Variants in CUBN observed in about 807,000 individuals in gnomAD.
CUBN encodes cubilin, also known as 460 kDa receptor.
In CUBN, 282 loss-of-function variants were observed where a neutral mutation model predicts 405.3. The observed-to-expected ratio is 0.70, with a 90% CI of 0.63 to 0.77. The LOEUF is 0.77. Ranked by LOEUF, CUBN falls within the 30% of genes least tolerant of loss-of-function variation. The pLI is 0.00. For synonymous variants in CUBN, 1,684 were observed against 1,617.0 expected (o/e 1.04, Z -0.99); for missense variants, 4,514 against 4,475.2 (o/e 1.01, Z -0.25).
chr10:17,103,151 A>T lies in CUBN; in HGVS notation c.1504T>A (p.Trp502Arg). Residue 502 changes from tryptophan (W) to arginine (R), a missense_variant, in exon 13 of 67, where the codon TGG becomes AGG. Around this residue, in one of 5 missense-constraint regions of CUBN, gnomAD observed 1,448 missense variants for 1,388.0 expected, o/e 1.04. Transcript: ENST00000377833. ...VGYVHDVNCFWVIKTEMGKVL... is the reference protein window; with the variant it reads ...VGYVHDVNCFRVIKTEMGKVL... ...TTTCCCATTTCAGTTTTGATAACCC[A>T]GAAGCAGTTAACATCATGAACATAA... The T allele has an allele frequency of 1.9e-6, 3 of 1,613,362 alleles. No homozygotes were observed. The highest frequency in any genetic ancestry group is 2.5e-6 in the Non-Finnish European group (3 of 1,179,306).
rs543958600 is a variant in CUBN, at chr10:16,994,594, C to A, written c.4169-4079G>T. 1.7e-4 allele frequency among the ~76,000 whole-genome samples: 26 copies of A among 152,172 alleles called. No individual in the cohort carries two copies. The South Asian group carries it at 4.2e-3, about 24-fold the overall frequency. On this transcript the variant is annotated intron_variant, in intron 28 of 66. Coordinates refer to ENST00000377833, the MANE Select transcript of CUBN (RefSeq NM_001081.4). ...TGGAGAGGAAAGAAGTTATATAAAC[C>A]AATACCCATCAGGAAATAACACAGG... is the stretch of plus-strand genomic sequence containing the variant.
intron 14 of CUBN, among the ~76,000 whole-genome samples, chr10:17,090,588 A>G (rs926140879): frequency 6.6e-6 from 1 of 152,142 alleles, no homozygotes; most frequent in Admixed American, 6.5e-5. Context: ...GAGAGTAGAA[A>G]TATTCCAAGG....
At chr10:17,049,199 G>A (rs1835205326) in intron 22 of CUBN, among the ~76,000 whole-genome samples, 1 of 152,240 alleles carries the variant, frequency 6.6e-6, no homozygotes, top group Non-Finnish European at 1.5e-5. Flanking sequence ...TATAGCATTG[G>A]TCTATTAATA....
chr10:16,961,481 C>T (rs1340845866), intron 31 of CUBN, among the ~76,000 whole-genome samples: 1 of 152,154 alleles, frequency 6.6e-6, no homozygotes, highest in Non-Finnish European at 1.5e-5. Flanking sequence ...GGAGGAAAAC[C>T]ATTCAAGTGT....
chr10:17,092,954 G>C (rs1268488648), intron 14 of CUBN, among the ~76,000 whole-genome samples: 1 of 152,086 alleles, frequency 6.6e-6, no homozygotes, highest in Admixed American at 6.5e-5. Flanking sequence ...AGGAATTATT[G>C]TTTGTTTGTT....
intron 31 of CUBN, among the ~76,000 whole-genome samples, chr10:16,956,944 C>A (rs1454256350): frequency 1.3e-5 from 2 of 152,014 alleles, no homozygotes; most frequent in Non-Finnish European, 2.9e-5. Flanking sequence ...TGTTTCAATA[C>A]ACATATACAT....
At chr10:16,958,502 G>A (rs908263222) in intron 31 of CUBN, among the ~76,000 whole-genome samples, 3 of 152,076 alleles carry the variant, frequency 2.0e-5, no homozygotes, top group Non-Finnish European at 4.4e-5. Context: ...CTCCATCATG[G>A]GTGACAGAGT....
At chr10:16,961,884 T>G (rs539828727) in intron 31 of CUBN, among the ~76,000 whole-genome samples, 1 of 152,076 alleles carries the variant, frequency 6.6e-6, no homozygotes, top group African/African-American at 2.4e-5. Flanking sequence ...GCTAATTTTT[T>G]TGTATTTTCA....
chr10:16,865,851 C>T (rs574404942), intron 59 of CUBN, among the ~76,000 whole-genome samples: 6 of 152,238 alleles, frequency 3.9e-5, no homozygotes, highest in Admixed American at 1.3e-4. Context: ...ACCCTGCTAC[C>T]GCTCACTCTT....
intron 28 of CUBN, among the ~76,000 whole-genome samples, 166 bp downstream of exon 28, chr10:17,019,667 C>A (rs1270329758): frequency 2.0e-5 from 3 of 152,176 alleles, no homozygotes; most frequent in Admixed American, 2.0e-4. Context: ...ACTTAACTCT[C>A]CAAGTTCCAC....
intron 14 of CUBN, 122 bp from the exon 15 acceptor site, chr10:17,088,467 C>A: frequency 2.8e-6 from 2 of 721,318 alleles, no homozygotes; most frequent in Non-Finnish European, 4.8e-6. Flanking sequence ...GTTTTAGACA[C>A]CCTCATAAAT....
intron 12 of CUBN, among the ~76,000 whole-genome samples, chr10:17,104,178 T>C (rs971492360): frequency 2.6e-5 from 4 of 152,176 alleles, no homozygotes; most frequent in African/African-American, 9.7e-5. Flanking sequence ...AAAAAGGACA[T>C]AGTGAAAATG....
intron 60 of CUBN, among the ~76,000 whole-genome samples, chr10:16,844,910 G>A (rs758693868): frequency 1.3e-5 from 2 of 152,186 alleles, no homozygotes; most frequent in African/African-American, 2.4e-5. Flanking sequence ...ACGCAGCTAC[G>A]GGCCACATTC....
At chr10:17,023,035 A>G (rs1315718223) in intron 27 of CUBN, among the ~76,000 whole-genome samples, 1 of 152,182 alleles carries the variant, frequency 6.6e-6, no homozygotes, top group African/African-American at 2.4e-5. Context: ...ACAGCATAGC[A>G]TTTTTGCCTG....
intron 60 of CUBN, among the ~76,000 whole-genome samples, chr10:16,846,798 T>C (rs143670762): frequency 1.2e-3 from 154 of 123,324 alleles, no homozygotes; most frequent in African/African-American, 4.3e-3. Flanking sequence ...GGTGACAAGA[T>C]AGAAACTCTG....
intron 6 of CUBN, chr10:17,122,447 T>A: frequency 2.6e-6 from 1 of 390,072 alleles, no homozygotes; most frequent in Non-Finnish European, 5.1e-6. Context: ...CTTTTCTACT[T>A]AAGGCCATTC....
intron 31 of CUBN, among the ~76,000 whole-genome samples, chr10:16,978,614 G>C (rs1322722951): frequency 6.6e-6 from 1 of 152,180 alleles, no homozygotes; most frequent in African/African-American, 2.4e-5. Context: ...GTTTTCTTGG[G>C]TTAAATTTGA....
chr10:17,108,751 A>T (rs1836697886), intron 10 of CUBN, among the ~76,000 whole-genome samples: 1 of 152,154 alleles, frequency 6.6e-6, no homozygotes, highest in African/African-American at 2.4e-5. Context: ...CTACGTAAAA[A>T]TTCTAAACTT....
rs777843251 is a variant in CUBN at position 16,925,817 on chromosome 10, G to A, written c.6272-43C>T. On this transcript the variant is annotated intron_variant, in intron 41 of 66. Coordinates refer to ENST00000377833, the MANE Select transcript of CUBN (RefSeq NM_001081.4). ...AAGGTCGGTTATTTAAATAGCATTG[G>A]CAACTGGATTTTTATGCTTTCTTAG... 1.9e-6 allele frequency: 3 copies of A among 1,569,778 alleles called. No homozygotes were observed. The South Asian group carries it at 3.3e-5, about 17-fold the overall frequency.
Sources: gnomAD v4.1 joint callset for allele counts (sites outside exome capture counted in the v4.1 genomes callset) on GRCh38, gnomAD v4.1.1 for gene constraint, gnomAD v4.1.1 regional missense constraint, MANE v1.5 for transcripts, NCBI Gene and HGNC (gene_info 2026-07-23, HGNC 2026-07-21) for gene names.